TMTC2: variants seen among roughly 807,000 people sequenced by gnomAD.
The protein encoded by TMTC2 is protein O-mannosyl-transferase TMTC2.
Under a neutral mutation model 82.4 loss-of-function variants are expected in TMTC2, and 43 were observed. That is an observed-to-expected ratio of 0.52 (90% CI 0.41 to 0.67). The LOEUF is 0.67. Ranked by LOEUF, TMTC2 falls within the 30% of genes least tolerant of loss-of-function variation. The pLI is 0.00. For synonymous variants in TMTC2, 408 were observed against 381.9 expected (o/e 1.07, Z -0.80); for missense variants, 919 against 1,012.4 (o/e 0.91, Z 1.25).
intron 1 of TMTC2, among the ~76,000 whole-genome samples, chr12:82,855,383 A>G (rs1871212433): frequency 6.6e-6 from 1 of 152,164 alleles, no homozygotes; most frequent in African/African-American, 2.4e-5. Flanking sequence ...CTCATGTGGA[A>G]ATTTCTCTGA....
At chr12:82,704,633 GA>G (rs1405628690) in intron 1 of TMTC2, among the ~76,000 whole-genome samples, 1 of 150,446 alleles carries the variant, frequency 6.6e-6, no homozygotes, top group Admixed American at 6.6e-5. Context: ...GGAAACTAAT[GA>G]ATCTTTTTTT....
At chr12:83,121,716 T>A (rs1190324780) in intron 11 of TMTC2, among the ~76,000 whole-genome samples, 3 of 152,056 alleles carry the variant, frequency 2.0e-5, no homozygotes, top group Admixed American at 6.5e-5. Flanking sequence ...CCTAGAACTC[T>A]TAAGAGTATA....
chr12:82,907,260 G>T (rs192813565), intron 3 of TMTC2, among the ~76,000 whole-genome samples: 1 of 151,732 alleles, frequency 6.6e-6, no homozygotes, highest in Non-Finnish European at 1.5e-5. Flanking sequence ...TCAGGAGTTC[G>T]AGACCAGCCT....
At chr12:82,727,266 A>G (rs1439176633) in intron 1 of TMTC2, among the ~76,000 whole-genome samples, 1 of 152,060 alleles carries the variant, frequency 6.6e-6, no homozygotes, top group Non-Finnish European at 1.5e-5. Flanking sequence ...ATGTATCGAT[A>G]TATTTATTTT....
At chr12:82,875,250 C>G (rs569308451) in intron 2 of TMTC2, among the ~76,000 whole-genome samples, 11 of 152,160 alleles carry the variant, frequency 7.2e-5, no homozygotes, top group Admixed American at 1.3e-4. Context: ...CCATTTCATA[C>G]AAGTTGCATG....
rs1031384040 is a variant in TMTC2 at position 82,965,696 on chromosome 12, T to C, written c.1821T>C (p.Ser607=). The change falls in exon 6 of 12, where the codon AGT becomes AGC. Residue 607 remains serine, a synonymous_variant. Coordinates refer to ENST00000321196, the MANE Select transcript of TMTC2 (RefSeq NM_152588.3). The part of the protein sequence containing the change: ...DPHAHKSSVT[S]CLYNLGKLYH... Reference sequence around the variant, plus strand: ...ATGCACACAAGAGCTCTGTTACCAGTTGTTTGTACAACCTAGGAAAGCTGT... The same window carrying C: ...ATGCACACAAGAGCTCTGTTACCAGCTGTTTGTACAACCTAGGAAAGCTGT... The C allele has an allele frequency of 6.2e-7, 1 of 1,613,882 alleles. No homozygotes were observed. Among genetic ancestry groups the C allele is most frequent in the Non-Finnish European group, 8.5e-7 (1 of 1,179,826 alleles).
chr12:82,965,757 CCT>C lies in TMTC2; in HGVS notation c.1869+18_1869+19del. Reference sequence around the variant, plus strand: ...GGGACACTATGAGGTCTGGCCAATGCCTCTCTGTCCTTTTCCCTCCCCCTTGT... The same window carrying C: ...GGGACACTATGAGGTCTGGCCAATGCCTCTGTCCTTTTCCCTCCCCCTTGT... On this transcript the variant is annotated intron_variant, in intron 6 of 11. Coordinates refer to ENST00000321196, the MANE Select transcript of TMTC2 (RefSeq NM_152588.3). The C allele has an allele frequency of 1.2e-6, 2 of 1,613,128 alleles. No homozygotes were observed. The highest frequency in any genetic ancestry group is 1.7e-6 in the Non-Finnish European group (2 of 1,179,696).
At position 83,102,769 on chromosome 12, in the gene TMTC2, A is replaced by G. The variant is rs187521305; in HGVS notation, c.2332-29441A>G. On this transcript the variant is annotated intron_variant, in intron 11 of 11. Transcript: ENST00000321196. ...TGAGTTTGAAAACATTTTGAGAGTA[A>G]GACCTATTTTCCTTTTTACTCCCAG... Among the ~76,000 whole-genome samples, 191 of 152,280 alleles carry G rather than the reference A, an allele frequency of 1.3e-3. 1 individual carries two copies. The highest frequency in any genetic ancestry group is 2.1e-3 in the Non-Finnish European group (144 of 68,032).
At chr12:83,106,768 G>A (rs1948460390) in intron 11 of TMTC2, among the ~76,000 whole-genome samples, 1 of 152,168 alleles carries the variant, frequency 6.6e-6, no homozygotes, top group Non-Finnish European at 1.5e-5. Flanking sequence ...AAAAATATCT[G>A]TAATACTCTC....
Position 82,713,819 on chromosome 12 carries a change from G to A in TMTC2, c.83+26150G>A, listed in dbSNP as rs1192026055. Among the ~76,000 whole-genome samples, 4 of 152,286 alleles carry A rather than the reference G, an allele frequency of 2.6e-5. No homozygotes were observed. In the East Asian group the frequency reaches 7.7e-4, roughly 29 times the overall value. On this transcript the variant is annotated intron_variant, in intron 1 of 11. Coordinates refer to ENST00000321196, the MANE Select transcript of TMTC2 (RefSeq NM_152588.3). Reference sequence around the variant, plus strand: ...AGGAGGAAAGTAGTTTTGAGAGGATGGATATACAGTTTGTTTTTGGGCATG... The same window carrying A: ...AGGAGGAAAGTAGTTTTGAGAGGATAGATATACAGTTTGTTTTTGGGCATG...
Position 82,862,675 on chromosome 12 carries a change from G to A in TMTC2, c.654+5095G>A, listed in dbSNP as rs576456899. 9.9e-5 allele frequency among the ~76,000 whole-genome samples: 15 copies of A among 152,274 alleles called. No individual in the cohort carries two copies. In the South Asian group the frequency reaches 1.4e-3, roughly 15 times the overall value. Reference sequence around the variant, plus strand: ...AAATTGGAGACATTGAGATTTTCCAGTCATCTCTTTCTAGAAATAATTTTC... The same window carrying A: ...AAATTGGAGACATTGAGATTTTCCAATCATCTCTTTCTAGAAATAATTTTC... On this transcript the variant is annotated intron_variant, in intron 2 of 11. Transcript: ENST00000321196.
chr12:82,918,484 A>G (rs2137223446), intron 3 of TMTC2, among the ~76,000 whole-genome samples: 1 of 152,124 alleles, frequency 6.6e-6, no homozygotes, highest in East Asian at 1.9e-4. Flanking sequence ...TCATATAGGG[A>G]CAAAGACATA....
intron 1 of TMTC2, among the ~76,000 whole-genome samples, chr12:82,824,809 C>A (rs1472523588): frequency 6.6e-6 from 1 of 152,104 alleles, no homozygotes; most frequent in Admixed American, 6.5e-5. Flanking sequence ...TATACATAGG[C>A]CTGGCACAGT....
intron 7 of TMTC2, among the ~76,000 whole-genome samples, chr12:82,985,666 A>G (rs954719609): frequency 9.9e-5 from 15 of 152,234 alleles, no homozygotes; most frequent in African/African-American, 3.4e-4. Flanking sequence ...CAGATGTTCT[A>G]TGTTAAAAAT....
At chr12:82,942,306 A>C (rs541099346) in intron 4 of TMTC2, among the ~76,000 whole-genome samples, 2 of 152,332 alleles carry the variant, frequency 1.3e-5, no homozygotes, top group East Asian at 1.9e-4. Context: ...ATATACTTGT[A>C]TTCTGATTTA....
intron 1 of TMTC2, among the ~76,000 whole-genome samples, chr12:82,821,841 G>A (rs1474533132): frequency 4.7e-5 from 7 of 148,782 alleles, no homozygotes; most frequent in East Asian, 2.0e-4. Context: ...AGCCGAGATC[G>A]CGCCACTACA....
chr12:82,981,681 A>G (rs1324635185), intron 7 of TMTC2, among the ~76,000 whole-genome samples: 1 of 151,914 alleles, frequency 6.6e-6, no homozygotes, highest in Non-Finnish European at 1.5e-5. Flanking sequence ...GTTAAGAAAA[A>G]TTACGGTACC....
At chr12:82,804,377 C>G (rs1318571610) in intron 1 of TMTC2, among the ~76,000 whole-genome samples, 1 of 152,024 alleles carries the variant, frequency 6.6e-6, no homozygotes, top group Non-Finnish European at 1.5e-5. Context: ...CTGAAAATTT[C>G]TAGAATTTCT....
intron 1 of TMTC2, among the ~76,000 whole-genome samples, chr12:82,745,373 T>G (rs1045522385): frequency 7.9e-5 from 12 of 152,166 alleles, no homozygotes; most frequent in Non-Finnish European, 2.9e-5. Context: ...TAAAGTTAAA[T>G]TAGATCAGCT....
Sources: gnomAD v4.1 joint callset for allele counts (sites outside exome capture counted in the v4.1 genomes callset) on GRCh38, gnomAD v4.1.1 for gene constraint, MANE v1.5 for transcripts, NCBI Gene and HGNC (gene_info 2026-07-23, HGNC 2026-07-21) for gene names.